PTPRK: variants seen among roughly 807,000 people sequenced by gnomAD.
The protein encoded by PTPRK is receptor-type tyrosine-protein phosphatase kappa.
PTPRK carries 75 observed loss-of-function variants against 178.0 expected under a neutral mutation model. That is an observed-to-expected ratio of 0.42 (90% CI 0.35 to 0.51). The LOEUF (loss-of-function observed/expected upper bound fraction) is 0.51. Ranked by LOEUF, PTPRK falls within the 20% of genes least tolerant of loss-of-function variation. The probability of loss-of-function intolerance (pLI) is 0.02; values close to 1 mark genes in which losing one functional copy is unlikely to be tolerated. For synonymous variants in PTPRK, 637 were observed against 620.6 expected (o/e 1.03, Z -0.39); for missense variants, 1,441 against 1,797.8 (o/e 0.80, Z 3.59).
intron 7 of PTPRK, among the ~76,000 whole-genome samples, chr6:128,168,885 C>G (rs541565711): frequency 2.6e-5 from 4 of 152,180 alleles, no homozygotes; most frequent in Non-Finnish European, 5.9e-5. Context: ...TGACATATAT[C>G]TACATAATTC....
chr6:128,205,615 A>G (rs1370986668), intron 6 of PTPRK, among the ~76,000 whole-genome samples: 3 of 151,578 alleles, frequency 2.0e-5, no homozygotes, highest in Non-Finnish European at 4.4e-5. Flanking sequence ...TCTATTAAAA[A>G]TACACAAAAA....
chr6:128,189,437 C>T (rs1025699275), intron 6 of PTPRK, among the ~76,000 whole-genome samples: 6 of 151,622 alleles, frequency 4.0e-5, no homozygotes, highest in Admixed American at 2.0e-4. Context: ...GACGGGGTTT[C>T]GCTATATTGG....
At chr6:128,225,701 T>C (rs1207965934) in intron 5 of PTPRK, among the ~76,000 whole-genome samples, 2 of 152,174 alleles carry the variant, frequency 1.3e-5, no homozygotes, top group African/African-American at 4.8e-5. Context: ...TGTTATTATT[T>C]TGAGAGAAGC....
chr6:128,243,558 T>A (rs1261985224), intron 3 of PTPRK, among the ~76,000 whole-genome samples: 1 of 145,038 alleles, frequency 6.9e-6, no homozygotes, highest in East Asian at 2.0e-4. Context: ...TGGTGACACA[T>A]GCCTATAGTA....
chr6:127,972,789 A>G lies in PTPRK; in HGVS notation c.4269+233T>C, dbSNP rs542861259. 9.8e-5 allele frequency among the ~76,000 whole-genome samples: 15 copies of G among 152,310 alleles called. No homozygotes were observed. The South Asian group carries it at 1.9e-3, about 19-fold the overall frequency. On this transcript the variant is annotated intron_variant, in intron 29 of 29. Coordinates refer to ENST00000368226, the MANE Select transcript of PTPRK (RefSeq NM_002844.4). ...GCTATAACAGAAAAAAAATCCTACA[A>G]ATTTCCCAAATTAAATGAAAATAGT...
intron 13 of PTPRK, among the ~76,000 whole-genome samples, chr6:128,043,153 T>G (rs1302038133): frequency 6.6e-6 from 1 of 152,198 alleles, no homozygotes; most frequent in South Asian, 2.1e-4. Flanking sequence ...TCTGGCTTGT[T>G]CTTTAAACAC....
At chr6:128,391,921 T>C (rs1839635925) in intron 2 of PTPRK, among the ~76,000 whole-genome samples, 2 of 152,150 alleles carry the variant, frequency 1.3e-5, no homozygotes, top group South Asian at 4.1e-4. Flanking sequence ...CATCAAATTA[T>C]GGACACCCAT....
intron 7 of PTPRK, among the ~76,000 whole-genome samples, chr6:128,135,786 G>A (rs1794926365): frequency 2.6e-5 from 4 of 151,366 alleles, no homozygotes; most frequent in Admixed American, 1.3e-4. Context: ...CCACAATCAC[G>A]TTTACATTTA....
At chr6:128,489,746 T>G (rs141932159) in intron 1 of PTPRK, among the ~76,000 whole-genome samples, 1 of 152,356 alleles carries the variant, frequency 6.6e-6, no homozygotes, top group East Asian at 1.9e-4. Context: ...AAGTTTTGTT[T>G]TCCTATACAA....
intron 5 of PTPRK, among the ~76,000 whole-genome samples, chr6:128,235,804 T>C (rs1358841403): frequency 6.6e-6 from 1 of 152,016 alleles, no homozygotes; most frequent in Non-Finnish European, 1.5e-5. Context: ...TGACATATTG[T>C]CAGAAGGACA....
At chr6:128,020,245 A>T (rs1454173236) in intron 13 of PTPRK, among the ~76,000 whole-genome samples, 2 of 152,198 alleles carry the variant, frequency 1.3e-5, no homozygotes, top group Non-Finnish European at 2.9e-5. Context: ...TATTAAGAGT[A>T]AAACAAGCTG....
rs1013051081 is a variant in PTPRK at position 128,265,978 on chromosome 6, G to A, written c.496-23376C>T. Among the ~76,000 whole-genome samples, 6 of 152,236 alleles carry A rather than the reference G, an allele frequency of 3.9e-5. No individual in the cohort carries two copies. The East Asian group carries it at 7.7e-4, about 20-fold the overall frequency. On this transcript the variant is annotated intron_variant, in intron 3 of 29. Transcript: ENST00000368226. ...CTTCTGCACTGTGAGAACACAGTGA[G>A]TAGGCACTGTCTATGAACGAGAAAA... is the stretch of plus-strand genomic sequence containing the variant.
intron 13 of PTPRK, among the ~76,000 whole-genome samples, chr6:128,043,112 T>C (rs1399885788): frequency 1.3e-5 from 2 of 152,108 alleles, no homozygotes; most frequent in South Asian, 2.1e-4. Context: ...CTCAGTTTGA[T>C]GCTATCAGTA....
intron 1 of PTPRK, among the ~76,000 whole-genome samples, chr6:128,484,108 A>G (rs1015814421): frequency 6.6e-6 from 1 of 152,096 alleles, no homozygotes; most frequent in Admixed American, 6.6e-5. Context: ...TCCTAGATAG[A>G]CACCTTATGG....
chr6:127,993,966 C>T (rs1049436312), intron 18 of PTPRK, among the ~76,000 whole-genome samples: 3 of 151,542 alleles, frequency 2.0e-5, no homozygotes, highest in Non-Finnish European at 4.4e-5. Context: ...GCAGAAAACC[C>T]AGGTTAAACT....
At chr6:128,399,390 C>T (rs575769998) in intron 1 of PTPRK, among the ~76,000 whole-genome samples, 1 of 152,244 alleles carries the variant, frequency 6.6e-6, no homozygotes, top group East Asian at 1.9e-4. Flanking sequence ...TTGAATCACT[C>T]TTATGACTAC....
intron 7 of PTPRK, among the ~76,000 whole-genome samples, chr6:128,173,691 G>A (rs1583326107): frequency 6.6e-6 from 1 of 151,870 alleles, no homozygotes; most frequent in Non-Finnish European, 1.5e-5. Flanking sequence ...CACTTCCAAT[G>A]TGTCACCAAG....
intron 3 of PTPRK, among the ~76,000 whole-genome samples, chr6:128,261,742 A>G (rs1201768706): frequency 6.6e-6 from 1 of 152,216 alleles, no homozygotes; most frequent in Non-Finnish European, 1.5e-5. Flanking sequence ...GCTAGTGACT[A>G]GCTCATTGAA....
intron 10 of PTPRK, 125 bp from the exon 11 acceptor site, chr6:128,079,043 G>T: frequency 1.9e-6 from 1 of 526,274 alleles, no homozygotes; most frequent in South Asian, 3.8e-5. Context: ...AACGTATTTT[G>T]TTTTATAGCA....
Sources: allele counts gnomAD v4.1 joint callset (sites outside exome capture counted in the v4.1 genomes callset), GRCh38; gene constraint gnomAD v4.1.1; transcripts MANE v1.5; gene names NCBI Gene and HGNC (gene_info 2026-07-23, HGNC 2026-07-21).